The following SUMF1 variants were observed in gnomAD, a reference collection of about 807,000 sequenced individuals.
The protein encoded by SUMF1 is formylglycine-generating enzyme.
In SUMF1, 48 loss-of-function variants were observed where a neutral mutation model predicts 47.6. The ratio of observed to expected loss-of-function variants is 1.01; its 90% CI spans 0.80 to 1.28. SUMF1 has a LOEUF of 1.28. Ranked by LOEUF, SUMF1 falls within the 50% of genes most tolerant of loss-of-function variation. The pLI, the probability that SUMF1 is intolerant of heterozygous loss-of-function variation, is 0.00. For missense variants in SUMF1, 571 were observed against 485.4 expected (o/e 1.18, Z -1.66); for synonymous variants, 230 against 192.1 (o/e 1.20, Z -1.63).
At chr3:4,400,307 C>A (rs746453479) in intron 7 of SUMF1, among the ~76,000 whole-genome samples, 1 of 152,172 alleles carries the variant, frequency 6.6e-6, no homozygotes, top group African/African-American at 2.4e-5. Context: ...AATAAACAAT[C>A]TTTTGATTGA....
chr3:4,150,263 T>C (rs1342344829), intron 8 of SUMF1, among the ~76,000 whole-genome samples: 2 of 147,452 alleles, frequency 1.4e-5, no homozygotes, highest in East Asian at 1.9e-4. Flanking sequence ...TAGCTAATTT[T>C]TTAAAAAAAT....
intron 9 of SUMF1, among the ~76,000 whole-genome samples, chr3:4,064,346 A>T (rs541339109): frequency 4.3e-4 from 60 of 140,838 alleles, no homozygotes; most frequent in South Asian, 1.5e-3. Flanking sequence ...CAGTGCCAAG[A>T]CAGTTTACAA....
intron 3 of SUMF1, among the ~76,000 whole-genome samples, chr3:4,423,963 C>G (rs1189713103): frequency 6.6e-6 from 1 of 152,174 alleles, no homozygotes; most frequent in East Asian, 1.9e-4. Context: ...AAGCTGATAC[C>G]AGAGCTACGT....
intron 8 of SUMF1, among the ~76,000 whole-genome samples, chr3:4,094,724 G>A (rs1476101930): frequency 6.6e-6 from 1 of 152,094 alleles, no homozygotes; most frequent in African/African-American, 2.4e-5. Flanking sequence ...CAGTGAGAAG[G>A]TTGAACAGTG....
chr3:4,246,826 G>A (rs1482736529), intron 8 of SUMF1, among the ~76,000 whole-genome samples: 1 of 152,076 alleles, frequency 6.6e-6, no homozygotes, highest in Non-Finnish European at 1.5e-5. Flanking sequence ...CCTATGACAT[G>A]AGAATAAGGG....
At position 4,107,339 on chromosome 3, in the gene SUMF1, GT is replaced by G. The variant is rs1693181296; in HGVS notation, c.1015-38595del. Among the ~76,000 whole-genome samples, 3 of 152,076 alleles carry G rather than the reference GT, an allele frequency of 2.0e-5. No individual in the cohort carries two copies. The South Asian group carries it at 6.2e-4, about 32-fold the overall frequency. ...CAGTAATAATAAAACAATAACTAATGTTTTGCAGTAGTGTGCTGTTTTATTT... is the reference window on the plus strand; with the variant it reads ...CAGTAATAATAAAACAATAACTAATGTTTGCAGTAGTGTGCTGTTTTATTT... On this transcript the variant is annotated intron_variant and NMD_transcript_variant, in intron 8 of 12. Transcript: ENST00000448413.
At chr3:4,246,044 G>A (rs113265122) in intron 8 of SUMF1, among the ~76,000 whole-genome samples, 5,061 of 152,282 alleles carry the variant, frequency 0.033, 310 homozygotes, top group African/African-American at 0.12. Context: ...GCAAGGCTCC[G>A]TGGGTGTGGG....
chr3:4,243,868 G>C lies in SUMF1; in HGVS notation c.1014+132462C>G, dbSNP rs746666460. 2.2e-3 allele frequency among the ~76,000 whole-genome samples: 329 copies of C among 152,116 alleles called. 4 individuals are homozygous for C. The highest frequency in any genetic ancestry group is 4.1e-3 in the Non-Finnish European group (281 of 68,002). On this transcript the variant is annotated intron_variant and NMD_transcript_variant, in intron 8 of 12. Coordinates refer to the SUMF1 transcript ENST00000448413. ...CTAATATTGACAGTGGAGTGTTACA[G>C]TCTCCGGTTATTATGTAGGAATCTA...
chr3:4,110,247 T>A lies in SUMF1; in HGVS notation c.1015-41502A>T, dbSNP rs374250016. 7.2e-5 allele frequency among the ~76,000 whole-genome samples: 11 copies of A among 152,196 alleles called. No individual in the cohort carries two copies. The East Asian group carries it at 1.4e-3, about 19-fold the overall frequency. On this transcript the variant is annotated intron_variant and NMD_transcript_variant, in intron 8 of 12. Transcript: ENST00000448413. ...GAGGCTGCAGAACAGCGGATATTGG[T>A]GAACAGCAGATGTTGCTGCCTGATC...
At chr3:4,346,525 A>G (rs1344736396) in intron 8 of SUMF1, among the ~76,000 whole-genome samples, 1 of 152,186 alleles carries the variant, frequency 6.6e-6, no homozygotes, top group African/African-American at 2.4e-5. Context: ...ACACAGCTAA[A>G]ACAGAGTTAA....
At chr3:4,038,569 CT>C (rs1694846491) in intron 9 of SUMF1, among the ~76,000 whole-genome samples, 1 of 152,118 alleles carries the variant, frequency 6.6e-6, no homozygotes, top group Admixed American at 6.6e-5. Flanking sequence ...GGCAGCTGCA[CT>C]GTTGGTGTGA....
chr3:4,391,371 C>T (rs1700856187), intron 7 of SUMF1, among the ~76,000 whole-genome samples: 1 of 152,120 alleles, frequency 6.6e-6, no homozygotes, highest in South Asian at 2.1e-4. Context: ...GTCCCTTTTG[C>T]TCCTCTCCAT....
At chr3:4,088,733 T>C (rs1378632693) in intron 8 of SUMF1, among the ~76,000 whole-genome samples, 2 of 152,158 alleles carry the variant, frequency 1.3e-5, no homozygotes, top group African/African-American at 2.4e-5. Flanking sequence ...TCTGCCTTTA[T>C]TGCACATAGT....
intron 8 of SUMF1, among the ~76,000 whole-genome samples, chr3:4,101,599 T>C (rs1693034523): frequency 6.6e-6 from 1 of 152,094 alleles, no homozygotes; most frequent in African/African-American, 2.4e-5. Flanking sequence ...TCGACTACAG[T>C]TAATAATAAT....
At chr3:4,302,884 T>C (rs1698006601) in intron 8 of SUMF1, among the ~76,000 whole-genome samples, 1 of 151,758 alleles carries the variant, frequency 6.6e-6, no homozygotes, top group African/African-American at 2.4e-5. Context: ...CATCAGGGAG[T>C]GAGCATGCCC....
chr3:4,261,975 A>C (rs747723414), intron 8 of SUMF1, among the ~76,000 whole-genome samples: 2 of 152,206 alleles, frequency 1.3e-5, no homozygotes, highest in Non-Finnish European at 2.9e-5. Context: ...AAATATTCTG[A>C]ATGAGAATAA....
intron 8 of SUMF1, among the ~76,000 whole-genome samples, chr3:4,167,778 A>C (rs1559529847): frequency 6.6e-6 from 1 of 152,164 alleles, no homozygotes. Context: ...CTAAGATTTG[A>C]CTTATATTTA....
rs1699920289 is a variant in SUMF1 at position 4,365,443 on chromosome 3, T to C, written c.1015-3189A>G. Reference sequence around the variant, plus strand: ...TATTTAGGATAGTTAGCTCTTGTTGTTGAATTGATCCCTTTATCATTATGT... The same window carrying C: ...TATTTAGGATAGTTAGCTCTTGTTGCTGAATTGATCCCTTTATCATTATGT... On this transcript the variant is annotated intron_variant, in intron 8 of 8. Coordinates refer to ENST00000272902, the MANE Select transcript of SUMF1 (RefSeq NM_182760.4). Among the ~76,000 whole-genome samples, 3 of 126,560 alleles carry C rather than the reference T, an allele frequency of 2.4e-5. 1 individual carries two copies. Among genetic ancestry groups the C allele is most frequent in the Non-Finnish European group, 5.6e-5 (3 of 53,824 alleles). The allele number at this position is 126,560 out of a possible 152,430, so 83.0% of individuals were successfully genotyped here. A position where few individuals can be genotyped will look rare whatever the true frequency, so the allele number is the denominator to read the frequency against.
At chr3:4,093,848 G>A (rs529252439) in intron 8 of SUMF1, among the ~76,000 whole-genome samples, 1 of 152,218 alleles carries the variant, frequency 6.6e-6, no homozygotes. Flanking sequence ...CCAACTCAAG[G>A]AGTTTGAATT....
Sources: allele counts gnomAD v4.1 joint callset (sites outside exome capture counted in the v4.1 genomes callset), GRCh38; gene constraint gnomAD v4.1.1; transcripts MANE v1.5; gene names NCBI Gene and HGNC (gene_info 2026-07-23, HGNC 2026-07-21).